Variants in KNTC1 observed in about 807,000 individuals in gnomAD.
The protein encoded by KNTC1 is kinetochore-associated protein 1.
KNTC1 carries 253 observed loss-of-function variants against 314.4 expected under a neutral mutation model. That is an observed-to-expected ratio of 0.80 (90% CI 0.73 to 0.89). The LOEUF is 0.89. KNTC1 is among the 40% of genes least tolerant of loss of function. The pLI, the probability that KNTC1 is intolerant of heterozygous loss-of-function variation, is 0.00. For missense variants in KNTC1, 2,475 were observed against 2,572.9 expected (o/e 0.96, Z 0.82); for synonymous variants, 901 against 901.4 (o/e 1.00, Z 0.01).
rs754351258 is a variant in KNTC1 at position 122,557,008 on chromosome 12, G to A, written c.1273-376G>A. Among the ~76,000 whole-genome samples the A allele has an allele frequency of 4.8e-5, 7 of 147,266 alleles. No homozygotes were observed. The East Asian group carries it at 9.9e-4, about 21-fold the overall frequency. ...TGGGCTCAAATGGTTGTCCTGCCTC[G>A]GCCTCCTGAGCAGGCTGGCACTACA... On this transcript the variant is annotated intron_variant, in intron 16 of 63. Transcript: ENST00000333479.
chr12:122,547,334 C>T, intron 10 of KNTC1, 81 bp from the exon 11 acceptor site: 2 of 779,534 alleles, frequency 2.6e-6, no homozygotes, highest in South Asian at 3.1e-5. Context: ...GAGATCGCAC[C>T]ATTGCACTCC....
chr12:122,533,812 T>C (rs1961573683), intron 2 of KNTC1, among the ~76,000 whole-genome samples: 2 of 150,664 alleles, frequency 1.3e-5, no homozygotes, highest in East Asian at 1.9e-4. Flanking sequence ...TTAGCTGTAT[T>C]TTGTCAGGGA....
chr12:122,548,362 G>A (rs142998644), intron 12 of KNTC1, among the ~76,000 whole-genome samples: 11,526 of 151,646 alleles, frequency 0.076, 569 homozygotes, highest in Middle Eastern at 0.13. Context: ...GGTGCCTGCC[G>A]CCACACCCAG....
At position 122,626,266 on chromosome 12, in the gene KNTC1, G is replaced by T; in HGVS notation, c.*38G>T. On this transcript the variant is annotated 3_prime_UTR_variant, in exon 64 of 64. Coordinates refer to ENST00000333479, the MANE Select transcript of KNTC1 (RefSeq NM_014708.6). ...TTTTTTCAAGAAGGACAAGAATTTTGGAGTCTGCTATTAATGGACCATATT... is the reference window on the plus strand; with the variant it reads ...TTTTTTCAAGAAGGACAAGAATTTTTGAGTCTGCTATTAATGGACCATATT... 1 of 1,476,554 alleles carries T rather than the reference G, an allele frequency of 6.8e-7. No homozygotes were observed. Among genetic ancestry groups the T allele is most frequent in the Non-Finnish European group, 9.4e-7 (1 of 1,063,452 alleles). 91.5% of individuals were successfully genotyped at this position (1,476,554 alleles called of 1,614,324 possible).
chr12:122,570,061 C>T (rs993366390), intron 22 of KNTC1, among the ~76,000 whole-genome samples: 5 of 152,126 alleles, frequency 3.3e-5, no homozygotes. Context: ...CATGGAAAGA[C>T]TAACATCACA....
intron 2 of KNTC1, among the ~76,000 whole-genome samples, chr12:122,531,734 A>G (rs939255328): frequency 6.6e-6 from 1 of 151,710 alleles, no homozygotes; most frequent in East Asian, 1.9e-4. Context: ...ATTTTTTAGT[A>G]TTTTTGTTCG....
intron 38 of KNTC1, 75 bp downstream of exon 38, chr12:122,586,832 A>T: frequency 2.2e-6 from 1 of 462,356 alleles, no homozygotes; most frequent in Non-Finnish European, 3.1e-6. Context: ...TATTTTTTTG[A>T]GACAGAGTCT....
intron 10 of KNTC1, among the ~76,000 whole-genome samples, chr12:122,546,935 C>A (rs1237496367): frequency 6.6e-6 from 1 of 150,500 alleles, no homozygotes; most frequent in Non-Finnish European, 1.5e-5. Flanking sequence ...CGGGTTCAAG[C>A]GATTCTCCTG....
chr12:122,539,730 A>G lies in KNTC1; in HGVS notation c.421A>G (p.Ile141Val), dbSNP rs1962134117. Residue 141 changes from isoleucine to valine, a missense_variant, in exon 5 of 64, where the codon ATT (isoleucine) becomes GTT (valine). Physicochemically the swap from Ile to Val is conservative, Grantham distance 29. Transcript: ENST00000333479. Reference sequence around the variant, plus strand: ...TCGGCGGACTTACCAGAATCTTGTCATTGAGAAGGATGGTTCAAATGAAGG... The same window carrying G: ...TCGGCGGACTTACCAGAATCTTGTCGTTGAGAAGGATGGTTCAAATGAAGG... ...ENRRTYQNLV[I>V]EKDGSNEGTY... 1.9e-6 allele frequency: 3 copies of G among 1,576,656 alleles called. No homozygotes were observed. The highest frequency in any genetic ancestry group is 2.6e-6 in the Non-Finnish European group (3 of 1,160,924).
chr12:122,541,634 T>C (rs571357036), intron 5 of KNTC1, among the ~76,000 whole-genome samples: 143 of 143,408 alleles, frequency 1.0e-3, no homozygotes, highest in African/African-American at 3.2e-3. Context: ...CGTGAGCCAC[T>C]GCGCCCCGCC....
intron 19 of KNTC1, 30 bp downstream of exon 19, chr12:122,562,004 G>A (rs767434034): frequency 2.5e-6 from 4 of 1,578,886 alleles, no homozygotes; most frequent in African/African-American, 2.7e-5. Flanking sequence ...AGGTTAATAT[G>A]TGGGTGAATA....
intron 16 of KNTC1, among the ~76,000 whole-genome samples, chr12:122,554,769 C>T (rs569110114): frequency 1.3e-5 from 2 of 152,204 alleles, no homozygotes; most frequent in Admixed American, 1.3e-4. Flanking sequence ...ACCAGAGAGT[C>T]CCTGTCAAAG....
rs751383353 is a variant in KNTC1, at chr12:122,538,384, T to C, written c.296T>C (p.Leu99Pro). 1.9e-4 allele frequency: 313 copies of C among 1,605,604 alleles called. No homozygotes were observed. The highest frequency in any genetic ancestry group is 2.0e-4 in the Non-Finnish European group (241 of 1,175,720). ...VVGLCQEGKF[L>P]LVGERSGNLH... ...GGCCTTTGTCAAGAAGGAAAGTTTCTTTTGGTTGGCGAGAGAAGTGGCAAC... is the reference window on the plus strand; with the variant it reads ...GGCCTTTGTCAAGAAGGAAAGTTTCCTTTGGTTGGCGAGAGAAGTGGCAAC... The change falls in exon 4 of 64, where the codon CTT becomes CCT. Residue 99 changes from leucine to proline, a missense_variant. Physicochemically the swap from Leu to Pro is moderately conservative, Grantham distance 98. Transcript: ENST00000333479.
intron 1 of KNTC1, among the ~76,000 whole-genome samples, chr12:122,528,925 C>T (rs1961063752): frequency 6.6e-6 from 1 of 152,146 alleles, no homozygotes. Context: ...TTACTGCAAC[C>T]TCCGCCTCCC....
At position 122,594,327 on chromosome 12, in the gene KNTC1, A is replaced by G. The variant is rs1430034422; in HGVS notation, c.4297A>G (p.Ile1433Val). Residue 1433 changes from isoleucine (I) to valine (V), a missense_variant, in exon 43 of 64, where the codon ATT becomes GTT. Physicochemically the swap from Ile to Val is conservative, Grantham distance 29. Coordinates refer to ENST00000333479, the MANE Select transcript of KNTC1 (RefSeq NM_014708.6). ...ACATTTTCTCACCAAGAAAGACCTC[A>G]TTAAAGCTCTTGTGGAGAATATAGA... ...RQHFLTKKDL[I>V]KALVENIDMD... 4 of 1,611,592 alleles carry G rather than the reference A, an allele frequency of 2.5e-6. No homozygotes were observed. In the Admixed American group the frequency reaches 5.0e-5, roughly 20 times the overall value.
chr12:122,619,633 C>T (rs1270353952), intron 59 of KNTC1, among the ~76,000 whole-genome samples: 1 of 151,794 alleles, frequency 6.6e-6, no homozygotes, highest in Non-Finnish European at 1.5e-5. Context: ...AGGATGGTCT[C>T]GATCTCCTGA....
At chr12:122,604,527 G>T in intron 48 of KNTC1, 37 bp from the exon 49 acceptor site, 2 of 1,174,908 alleles carry the variant, frequency 1.7e-6, no homozygotes, top group Non-Finnish European at 2.4e-6. Context: ...AGATTTGCCT[G>T]TAAATCTTTA....
intron 5 of KNTC1, among the ~76,000 whole-genome samples, chr12:122,541,556 A>T (rs891939703): frequency 5.3e-5 from 8 of 151,096 alleles, no homozygotes; most frequent in Non-Finnish European, 1.0e-4. Flanking sequence ...CATGTTGGTC[A>T]GGCTGGTCTC....
At chr12:122,584,185 TTGA>T in intron 34 of KNTC1, 90 bp from the exon 35 acceptor site, 3 of 849,560 alleles carry the variant, frequency 3.5e-6, no homozygotes, top group Non-Finnish European at 5.7e-6. Context: ...ATTTAATGTG[TTGA>T]TGGTGGTGGT....
Sources: gnomAD v4.1 joint callset for allele counts (sites outside exome capture counted in the v4.1 genomes callset) on GRCh38, gnomAD v4.1.1 for gene constraint, MANE v1.5 for transcripts, NCBI Gene and HGNC (gene_info 2026-07-23, HGNC 2026-07-21) for gene names.